JAZF1: variants seen among roughly 807,000 people sequenced by gnomAD.
The protein encoded by JAZF1 is JAZF zinc finger 1, also known as juxtaposed with another zinc finger protein 1.
In JAZF1, 8 loss-of-function variants were observed where a neutral mutation model predicts 26.4. The observed-to-expected ratio is 0.30, with a 90% CI of 0.18 to 0.55. JAZF1 has a LOEUF of 0.55. Among genes scored for constraint, JAZF1 ranks in the 20% least tolerant of loss-of-function variants. The probability of loss-of-function intolerance (pLI) is 0.94; values close to 1 mark genes in which losing one functional copy is unlikely to be tolerated. For missense variants in JAZF1, 199 were observed against 322.0 expected (o/e 0.62, Z 2.92); for synonymous variants, 126 against 122.3 (o/e 1.03, Z -0.20).
At chr7:27,964,238 A>C (rs1785234610) in intron 2 of JAZF1, among the ~76,000 whole-genome samples, 1 of 152,176 alleles carries the variant, frequency 6.6e-6, no homozygotes, top group Non-Finnish European at 1.5e-5. Context: ...GGTTCTATGA[A>C]AATGATCTAA....
intron 3 of JAZF1, among the ~76,000 whole-genome samples, chr7:27,851,923 C>G (rs1007448178): frequency 1.4e-5 from 2 of 146,970 alleles, no homozygotes; most frequent in African/African-American, 5.1e-5. Flanking sequence ...ACACTGATGC[C>G]TGGGGGTTCT....
intron 1 of JAZF1, among the ~76,000 whole-genome samples, chr7:28,042,872 C>T (rs1783417605): frequency 6.6e-6 from 1 of 152,118 alleles, no homozygotes; most frequent in Admixed American, 6.5e-5. Context: ...TGTAAGTACA[C>T]TCTTATGATG....
At chr7:27,896,166 CT>C (rs1422884798) in intron 2 of JAZF1, among the ~76,000 whole-genome samples, 1 of 152,214 alleles carries the variant, frequency 6.6e-6, no homozygotes, top group Non-Finnish European at 1.5e-5. Context: ...AGAAAGGTGA[CT>C]TTTCCTGATA....
intron 2 of JAZF1, among the ~76,000 whole-genome samples, chr7:27,946,697 T>C (rs961220772): frequency 6.6e-6 from 1 of 152,212 alleles, no homozygotes; most frequent in African/African-American, 2.4e-5. Flanking sequence ...GAGCAATTAT[T>C]CTAGGCCACT....
chr7:28,113,592 T>C (rs758107597), intron 1 of JAZF1, among the ~76,000 whole-genome samples: 5 of 152,190 alleles, frequency 3.3e-5, no homozygotes, highest in Admixed American at 6.5e-5. Context: ...CCAGGCACAG[T>C]GCTAGGCCCC....
chr7:27,881,930 A>G (rs955406936), intron 3 of JAZF1, among the ~76,000 whole-genome samples: 2 of 152,218 alleles, frequency 1.3e-5, no homozygotes, highest in African/African-American at 4.8e-5. Context: ...TTTGCCAGAA[A>G]GAAGTCTGCT....
intron 2 of JAZF1, among the ~76,000 whole-genome samples, chr7:27,975,345 G>A (rs556509433): frequency 5.9e-5 from 9 of 152,120 alleles, no homozygotes; most frequent in Non-Finnish European, 1.3e-4. Context: ...TGCTAAATCA[G>A]TCATGAGAAA....
At chr7:28,048,155 T>C (rs1231976752) in intron 1 of JAZF1, among the ~76,000 whole-genome samples, 1 of 152,200 alleles carries the variant, frequency 6.6e-6, no homozygotes, top group Non-Finnish European at 1.5e-5. Context: ...TCTATTCATA[T>C]GTTCCTTTTT....
intron 1 of JAZF1, among the ~76,000 whole-genome samples, chr7:28,140,083 CTT>C (rs67016749): frequency 1.6e-3 from 204 of 125,080 alleles, no homozygotes; most frequent in Middle Eastern, 4.3e-3. Context: ...AGTCACAAAT[CTT>C]TTTTTTTTTT....
At chr7:28,071,680 G>A (rs963497404) in intron 1 of JAZF1, 1 of 469,610 alleles carries the variant, frequency 2.1e-6, no homozygotes, top group Non-Finnish European at 4.4e-6. Context: ...ACTTACAGCT[G>A]ATTAAAGGGT....
At position 27,963,633 on chromosome 7, in the gene JAZF1, T is replaced by G. The variant is rs542574160; in HGVS notation, c.188+28276A>C. Among the ~76,000 whole-genome samples, 64 of 142,652 alleles carry G rather than the reference T, an allele frequency of 4.5e-4. 1 individual carries two copies. In the South Asian group the frequency reaches 0.015, roughly 34 times the overall value. 93.6% of individuals were successfully genotyped at this position (142,652 alleles called of 152,430 possible). Reference sequence around the variant, plus strand: ...CTGGAGTGCAGTGGTGCAATCACAGTTCACTGCAGCCTTGATCTCCTGGCC... The same window carrying G: ...CTGGAGTGCAGTGGTGCAATCACAGGTCACTGCAGCCTTGATCTCCTGGCC... On this transcript the variant is annotated intron_variant, in intron 2 of 4. Transcript: ENST00000283928.
In JAZF1 at chr7:28,080,181, G is replaced by T. The variant is rs138928881; in HGVS notation, c.116-88200C>A. Among the ~76,000 whole-genome samples, 6 of 152,334 alleles carry T rather than the reference G, an allele frequency of 3.9e-5. No individual in the cohort carries two copies. In the East Asian group the frequency reaches 1.2e-3, roughly 29 times the overall value. The stretch of plus-strand genomic sequence containing the variant: ...ACTTTCACCTTACGGAGATGGCTTA[G>T]TTTCCTAAACTTCATGAACCCAACT... On this transcript the variant is annotated intron_variant, in intron 1 of 4. Coordinates refer to ENST00000283928, the MANE Select transcript of JAZF1 (RefSeq NM_175061.4).
intron 3 of JAZF1, among the ~76,000 whole-genome samples, chr7:27,870,080 T>A: frequency 1.1e-5 from 1 of 94,632 alleles, no homozygotes; most frequent in Non-Finnish European, 2.2e-5. Context: ...GGTTAATTTT[T>A]TTTTTTTTTT....
intron 1 of JAZF1, among the ~76,000 whole-genome samples, chr7:28,030,756 CT>C (rs891118953): frequency 2.6e-5 from 4 of 152,060 alleles, no homozygotes; most frequent in African/African-American, 9.7e-5. Flanking sequence ...AAAACTTAAA[CT>C]TTAATGTCTC....
intron 1 of JAZF1, among the ~76,000 whole-genome samples, chr7:28,068,226 T>G (rs1163315793): frequency 6.6e-6 from 1 of 151,550 alleles, no homozygotes; most frequent in African/African-American, 2.4e-5. Flanking sequence ...AGTTTTTTTT[T>G]TTTTTTTTTT....
At chr7:27,972,966 CAT>C (rs1554279111) in intron 2 of JAZF1, among the ~76,000 whole-genome samples, 19 of 151,056 alleles carry the variant, frequency 1.3e-4, no homozygotes, top group Admixed American at 1.3e-3. Flanking sequence ...CACACACACA[CAT>C]ACACATGTAA....
At chr7:27,962,513 A>C (rs916386143) in intron 2 of JAZF1, among the ~76,000 whole-genome samples, 2 of 152,320 alleles carry the variant, frequency 1.3e-5, no homozygotes, top group African/African-American at 4.8e-5. Context: ...CTAATCCTGG[A>C]ATCTCTGAGG....
At chr7:27,918,354 T>C (rs966546360) in intron 2 of JAZF1, among the ~76,000 whole-genome samples, 37 of 152,328 alleles carry the variant, frequency 2.4e-4, no homozygotes, top group African/African-American at 8.7e-4. Context: ...CCAACATTTA[T>C]CTCTTTGTGT....
chr7:27,891,448 A>G (rs1783975807), intron 3 of JAZF1, among the ~76,000 whole-genome samples: 1 of 152,200 alleles, frequency 6.6e-6, no homozygotes, highest in Non-Finnish European at 1.5e-5. Context: ...TTCTTAAATG[A>G]ATACTTTTTC....
Sources: gnomAD v4.1 joint callset for allele counts (sites outside exome capture counted in the v4.1 genomes callset) on GRCh38, gnomAD v4.1.1 for gene constraint, MANE v1.5 for transcripts, NCBI Gene and HGNC (gene_info 2026-07-23, HGNC 2026-07-21) for gene names.